EPHA3: variants seen among roughly 807,000 people sequenced by gnomAD.
EPHA3 encodes ephrin type-A receptor 3.
EPHA3 carries 42 observed loss-of-function variants against 107.1 expected under a neutral mutation model. The ratio of observed to expected loss-of-function variants is 0.39; its 90% CI spans 0.31 to 0.51. The LOEUF (loss-of-function observed/expected upper bound fraction) is 0.51, where lower values mean the gene tolerates loss of function less well. Ranked by LOEUF, EPHA3 falls within the 20% of genes least tolerant of loss-of-function variation. EPHA3 has a pLI of 0.78. For synonymous variants in EPHA3, 461 were observed against 424.8 expected (o/e 1.09, Z -1.05); for missense variants, 1,183 against 1,211.2 (o/e 0.98, Z 0.35).
chr3:89,416,114 C>A (rs1173593711), intron 10 of EPHA3, among the ~76,000 whole-genome samples: 3 of 151,356 alleles, frequency 2.0e-5, no homozygotes, highest in Non-Finnish European at 4.4e-5. Context: ...TGGAGGGAGT[C>A]ATTCTATTTA....
At chr3:89,474,280 C>T (rs1484234781) in intron 16 of EPHA3, among the ~76,000 whole-genome samples, 2 of 152,162 alleles carry the variant, frequency 1.3e-5, no homozygotes, top group Admixed American at 1.3e-4. Flanking sequence ...TAAACTTACC[C>T]TAGTCAATTT....
chr3:89,136,403 G>T (rs1432481178), intron 2 of EPHA3, among the ~76,000 whole-genome samples: 1 of 112,810 alleles, frequency 8.9e-6, no homozygotes. Context: ...AAGGGAAAAC[G>T]TGGACAGGTG....
At chr3:89,133,466 A>T (rs1704248098) in intron 2 of EPHA3, among the ~76,000 whole-genome samples, 1 of 152,214 alleles carries the variant, frequency 6.6e-6, no homozygotes, top group South Asian at 2.1e-4. Flanking sequence ...CTGTAGAATA[A>T]AAATCTGTGC....
At chr3:89,344,413 T>A (rs1200929036) in intron 5 of EPHA3, among the ~76,000 whole-genome samples, 6 of 152,326 alleles carry the variant, frequency 3.9e-5, no homozygotes, top group Non-Finnish European at 5.9e-5. Context: ...AAATCACTAA[T>A]GTGTTTATAA....
At chr3:89,452,727 T>C (rs2107557979) in intron 15 of EPHA3, among the ~76,000 whole-genome samples, 1 of 152,278 alleles carries the variant, frequency 6.6e-6, no homozygotes, top group Admixed American at 6.5e-5. Context: ...TTGGCTTTTG[T>C]TCCTATGATT....
At chr3:89,234,166 A>G (rs1704698461) in intron 3 of EPHA3, among the ~76,000 whole-genome samples, 1 of 152,234 alleles carries the variant, frequency 6.6e-6, no homozygotes, top group African/African-American at 2.4e-5. Flanking sequence ...TAAAAGATCA[A>G]TTTAATTATA....
At chr3:89,447,658 T>G (rs1180566838) in intron 13 of EPHA3, among the ~76,000 whole-genome samples, 7 of 152,212 alleles carry the variant, frequency 4.6e-5, no homozygotes, top group Admixed American at 4.6e-4. Flanking sequence ...GTGCTTTGAT[T>G]TATGCCATTT....
chr3:89,227,949 G>A (rs1028171133), intron 3 of EPHA3, among the ~76,000 whole-genome samples: 10 of 151,952 alleles, frequency 6.6e-5, no homozygotes, highest in Non-Finnish European at 1.3e-4. Context: ...CAAGGTACAT[G>A]CATGTTAGGG....
rs1180627146 is a variant in EPHA3, at chr3:89,395,868, T to A, written c.1338T>A (p.Asp446Glu). ...APSPVLTIKK[D>E]RTSRNSISLS... ...CACCTGTCCTGACGATTAAGAAAGA[T>A]CGGACCTCCAGAAATAGCATCTCTT... is the stretch of plus-strand genomic sequence containing the variant. The change falls in exon 6 of 17, where the codon GAT (aspartate) becomes GAA (glutamate). Residue 446 changes from aspartate to glutamate, a missense_variant. Transcript: ENST00000336596. 2.5e-6 allele frequency: 4 copies of A among 1,613,940 alleles called. No individual in the cohort carries two copies. The Admixed American group carries it at 5.0e-5, about 20-fold the overall frequency.
chr3:89,445,752 G>A (rs948891636), intron 13 of EPHA3, among the ~76,000 whole-genome samples: 1 of 152,198 alleles, frequency 6.6e-6, no homozygotes, highest in Admixed American at 6.5e-5. Flanking sequence ...CAAGTGAAAA[G>A]ACCATACCTA....
chr3:89,368,553 C>T (rs1385584894), intron 5 of EPHA3, among the ~76,000 whole-genome samples: 12 of 150,380 alleles, frequency 8.0e-5, no homozygotes, highest in Non-Finnish European at 4.5e-5. Flanking sequence ...AAGTCCAAGG[C>T]CTGAAAACTG....
chr3:89,378,984 A>G (rs1393782687), intron 5 of EPHA3, among the ~76,000 whole-genome samples: 2 of 152,168 alleles, frequency 1.3e-5, no homozygotes, highest in Admixed American at 6.5e-5. Context: ...ATCGCTCCAA[A>G]ATTTATGGCT....
intron 1 of EPHA3, among the ~76,000 whole-genome samples, chr3:89,117,183 G>T (rs1707277972): frequency 6.6e-6 from 1 of 151,954 alleles, no homozygotes; most frequent in South Asian, 2.1e-4. Flanking sequence ...GTTAATATAG[G>T]TTTTTTCAAT....
intron 10 of EPHA3, among the ~76,000 whole-genome samples, chr3:89,416,663 A>C: frequency 6.6e-6 from 1 of 151,430 alleles, no homozygotes; most frequent in East Asian, 1.9e-4. Context: ...TTTATAATAT[A>C]TTGGCGGCTA....
chr3:89,365,168 G>A (rs892547597), intron 5 of EPHA3, among the ~76,000 whole-genome samples: 1 of 150,818 alleles, frequency 6.6e-6, no homozygotes, highest in Non-Finnish European at 1.5e-5. Context: ...TTCTTGAAGA[G>A]GTGGGGTTTG....
intron 3 of EPHA3, among the ~76,000 whole-genome samples, chr3:89,219,909 C>T (rs375123854): frequency 6.7e-6 from 1 of 148,602 alleles, no homozygotes; most frequent in Non-Finnish European, 1.5e-5. Flanking sequence ...GGGGTTTCAC[C>T]GTTTTAGCCG....
chr3:89,189,720 T>C (rs1705657923), intron 2 of EPHA3, among the ~76,000 whole-genome samples: 1 of 152,264 alleles, frequency 6.6e-6, no homozygotes, highest in Non-Finnish European at 1.5e-5. Context: ...AAATTCTTTT[T>C]ATTCCAAAAC....
At chr3:89,173,519 C>A (rs1386337665) in intron 2 of EPHA3, among the ~76,000 whole-genome samples, 2 of 151,584 alleles carry the variant, frequency 1.3e-5, no homozygotes, top group African/African-American at 2.4e-5. Flanking sequence ...AGTTCAATAT[C>A]CTAAAGAAAA....
intron 3 of EPHA3, among the ~76,000 whole-genome samples, chr3:89,213,022 C>G (rs955752731): frequency 2.6e-5 from 4 of 152,020 alleles, no homozygotes; most frequent in African/African-American, 9.7e-5. Context: ...TTCAGAAACT[C>G]TTAAAACAGC....
Sources: allele counts gnomAD v4.1 joint callset (sites outside exome capture counted in the v4.1 genomes callset), GRCh38; gene constraint gnomAD v4.1.1; transcripts MANE v1.5; gene names NCBI Gene and HGNC (gene_info 2026-07-23, HGNC 2026-07-21).